The following RHBDF2 variants were observed in gnomAD, a reference collection of about 807,000 sequenced individuals.
RHBDF2 encodes the protein inactive rhomboid protein 2.
A neutral mutation model predicts 95.2 loss-of-function variants in RHBDF2; 38 were observed. That is an observed-to-expected ratio of 0.40 (90% CI 0.31 to 0.52). The LOEUF (loss-of-function observed/expected upper bound fraction) is 0.52. Among genes scored for constraint, RHBDF2 ranks in the 20% least tolerant of loss-of-function variants. The pLI is 0.56. For missense variants in RHBDF2, 863 were observed against 1,137.7 expected (o/e 0.76, Z 3.47); for synonymous variants, 442 against 462.0 (o/e 0.96, Z 0.55).
At chr17:76,483,872 A>G (rs564059408) in intron 2 of RHBDF2, among the ~76,000 whole-genome samples, 2 of 152,228 alleles carry the variant, frequency 1.3e-5, no homozygotes, top group East Asian at 3.9e-4. Flanking sequence ...ACCAGTCCCC[A>G]GTTCCCCTCT....
chr17:76,472,393 G>GAAT, intron 18 of RHBDF2: 1 of 575,496 alleles, frequency 1.7e-6, no homozygotes, highest in African/African-American at 1.9e-5. Flanking sequence ...GACGGCGCAC[G>GAAT]GAGGCCATTT....
chr17:76,494,404 C>T (rs1004038523), intron 1 of RHBDF2, among the ~76,000 whole-genome samples: 3 of 152,304 alleles, frequency 2.0e-5, no homozygotes, highest in Middle Eastern at 3.4e-3. Flanking sequence ...CTGGACACAG[C>T]GCTGGGCCCC....
At chr17:76,485,553 TCCAGGC>T in intron 2 of RHBDF2, among the ~76,000 whole-genome samples, 1 of 25,430 alleles carries the variant, frequency 3.9e-5, no homozygotes, top group Non-Finnish European at 1.3e-4. Flanking sequence ...GCCACTGCAC[TCCAGGC>T]CTCCAGCCTG....
At chr17:76,484,187 C>A (rs150834145) in intron 2 of RHBDF2, among the ~76,000 whole-genome samples, 1 of 152,042 alleles carries the variant, frequency 6.6e-6, no homozygotes, top group African/African-American at 2.4e-5. Flanking sequence ...TGCTTGAACC[C>A]GGGAGGCAGA....
chr17:76,479,386 G>C (rs1301689869), intron 4 of RHBDF2, 109 bp from the exon 5 acceptor site: 25 of 1,473,242 alleles, frequency 1.7e-5, no homozygotes, highest in Non-Finnish European at 2.2e-5. Flanking sequence ...ACAGGGAGGT[G>C]GGGGGCGGAT....
intron 1 of RHBDF2, among the ~76,000 whole-genome samples, chr17:76,496,263 CACTT>C (rs1409766612): frequency 6.6e-6 from 1 of 152,224 alleles, no homozygotes; most frequent in Non-Finnish European, 1.5e-5. Flanking sequence ...CACCATCGCT[CACTT>C]AGTCTCTATC....
At position 76,471,833 on chromosome 17, in the gene RHBDF2, T is replaced by C. The variant is rs1425000939; in HGVS notation, c.2284A>G (p.Ile762Val). 6.3e-6 allele frequency: 10 copies of C among 1,597,754 alleles called. No individual in the cohort carries two copies. The highest frequency in any genetic ancestry group is 4.5e-5 in the South Asian group (4 of 88,720). The change falls in exon 19 of 19, where the codon ATC becomes GTC. Residue 762 changes from isoleucine to valine, a missense_variant. This residue lies in a region of RHBDF2 where 252 missense variants were observed against 412.2 expected (regional missense o/e 0.61). Coordinates refer to ENST00000675367, the MANE Select transcript of RHBDF2 (RefSeq NM_001005498.4). ...TACTTGTCGCTGGTGCCGAAGGTGA[T>C]GTAGGGCAGGAAGGCGAAGGCCAGC... is the stretch of plus-strand genomic sequence containing the variant. Reference protein sequence around the residue: ...LLLAFAFLPYITFGTSDKYRK... With the variant: ...LLLAFAFLPYVTFGTSDKYRK...
Position 76,472,840 on chromosome 17 carries a change from C to A in RHBDF2, c.1911-1G>T. 1 of 1,587,660 alleles carries A rather than the reference C, an allele frequency of 6.3e-7. No homozygotes were observed. Among genetic ancestry groups the A allele is most frequent in the Non-Finnish European group, 8.6e-7 (1 of 1,166,538 alleles). ...CACAGACACGAGGCAGTGCACCACGCTGGGGGAGGGACACACCAGGCAGCG... is the reference window on the plus strand; with the variant it reads ...CACAGACACGAGGCAGTGCACCACGATGGGGGAGGGACACACCAGGCAGCG... On this transcript the variant is annotated splice_acceptor_variant, in intron 17 of 18. Coordinates refer to ENST00000675367, the MANE Select transcript of RHBDF2 (RefSeq NM_001005498.4). LOFTEE classifies it high-confidence loss of function.
intron 2 of RHBDF2, among the ~76,000 whole-genome samples, chr17:76,486,767 C>G (rs889004324): frequency 3.9e-5 from 4 of 101,788 alleles, no homozygotes; most frequent in African/African-American, 1.5e-4. Context: ...ATGGGTGAAT[C>G]GACTGGTGTG....
chr17:76,476,525 AT>A, intron 9 of RHBDF2: 1 of 340,466 alleles, frequency 2.9e-6, no homozygotes, highest in Non-Finnish European at 5.4e-6. Flanking sequence ...TGGGGGTTCC[AT>A]TTTAGGGCCT....
chr17:76,498,613 A>G (rs982796550), intron 1 of RHBDF2, among the ~76,000 whole-genome samples: 4 of 152,248 alleles, frequency 2.6e-5, no homozygotes, highest in African/African-American at 9.6e-5. Context: ...CAGCAAGGAC[A>G]GAAACCTTGG....
Position 76,481,467 on chromosome 17 carries a change from G to A in RHBDF2, c.58C>T (p.Gln20Ter). The A allele has an allele frequency of 6.2e-7, 1 of 1,612,272 alleles. No individual in the cohort carries two copies. ...GAGAGGTTGGGTGGCTTCCGGCTCTGCAGGCGGCTGCTGGACACAGAGGAC... is the reference window on the plus strand; with the variant it reads ...GAGAGGTTGGGTGGCTTCCGGCTCTACAGGCGGCTGCTGGACACAGAGGAC... Reference protein sequence around the residue: ...SVSSVSSSRLQSRKPPNLSIT... With the variant: ...SVSSVSSSRL Residue 20 changes from glutamine (Q) to a stop codon, truncating the protein, a stop_gained, in exon 3 of 19, where the codon CAG becomes TAG. Coordinates refer to ENST00000675367, the MANE Select transcript of RHBDF2 (RefSeq NM_001005498.4). LOFTEE classifies it high-confidence loss of function.
intron 1 of RHBDF2, among the ~76,000 whole-genome samples, chr17:76,497,812 C>T (rs143399141): frequency 7.6e-4 from 116 of 152,340 alleles, no homozygotes; most frequent in African/African-American, 2.6e-3. Context: ...TGCCCAGCAG[C>T]CCCTGGACCT....
At chr17:76,474,336 G>A (rs745478593) in intron 12 of RHBDF2, 37 bp downstream of exon 12, 1 of 1,599,088 alleles carries the variant, frequency 6.3e-7, no homozygotes, top group Non-Finnish European at 8.5e-7. Flanking sequence ...TCCGGGACCA[G>A]GGTCTGGCAG....
At chr17:76,474,000 AC>A in intron 13 of RHBDF2, 32 bp downstream of exon 13, 1 of 1,602,098 alleles carries the variant, frequency 6.2e-7, no homozygotes, top group Non-Finnish European at 8.5e-7. Flanking sequence ...GCTATGCCTG[AC>A]CCTGAGGCCC....
chr17:76,475,020 C>A lies in RHBDF2; in HGVS notation c.1227+10G>T. The A allele has an allele frequency of 6.4e-7, 1 of 1,569,138 alleles. No individual in the cohort carries two copies. The highest frequency in any genetic ancestry group is 8.7e-7 in the Non-Finnish European group (1 of 1,155,342). ...CTGGGACCCCCAGCATGGAGCCTGACCCGACTCACCAGCTGGGTGGTGACG... is the reference window on the plus strand; with the variant it reads ...CTGGGACCCCCAGCATGGAGCCTGAACCGACTCACCAGCTGGGTGGTGACG... On this transcript the variant is annotated intron_variant, in intron 10 of 18. Coordinates refer to ENST00000675367, the MANE Select transcript of RHBDF2 (RefSeq NM_001005498.4).
chr17:76,474,775 G>A lies in RHBDF2; in HGVS notation c.1257C>T (p.Ser419=), dbSNP rs760283274. 3.7e-6 allele frequency: 6 copies of A among 1,614,060 alleles called. No homozygotes were observed. The highest frequency in any genetic ancestry group is 3.3e-5 in the Admixed American group (2 of 59,992). ...LVLRNKGVYE[S]VKYIQQENFW... ...AGTTCTCCTGCTGGATGTACTTCACGCTCTCGTACACACCTTTGTTCCGCA... is the reference window on the plus strand; with the variant it reads ...AGTTCTCCTGCTGGATGTACTTCACACTCTCGTACACACCTTTGTTCCGCA... The change falls in exon 11 of 19, where the codon AGC becomes AGT. Residue 419 remains serine (S), a synonymous_variant. Transcript: ENST00000675367.
intron 2 of RHBDF2, among the ~76,000 whole-genome samples, chr17:76,483,442 C>T (rs901090489): frequency 3.3e-5 from 5 of 152,080 alleles, no homozygotes; most frequent in Admixed American, 6.5e-5. Context: ...TGCGCCACCA[C>T]GCCCAGCTAA....
chr17:76,486,302 G>T (rs2074128403), intron 2 of RHBDF2, among the ~76,000 whole-genome samples: 1 of 152,150 alleles, frequency 6.6e-6, no homozygotes, highest in African/African-American at 2.4e-5. Context: ...TAGAGATGGG[G>T]TTTCACCATG....
Sources: allele counts gnomAD v4.1 joint callset (sites outside exome capture counted in the v4.1 genomes callset), GRCh38; gene constraint gnomAD v4.1.1; regional missense constraint gnomAD v4.1.1; transcripts MANE v1.5; gene names NCBI Gene and HGNC (gene_info 2026-07-23, HGNC 2026-07-21).